Variants in RSRP1 observed in about 807,000 individuals in gnomAD.
RSRP1 encodes the protein arginine and serine rich protein 1.
RSRP1 carries 37 observed loss-of-function variants against 33.0 expected under a neutral mutation model. That is an observed-to-expected ratio of 1.12 (90% CI 0.86 to 1.48). The LOEUF (loss-of-function observed/expected upper bound fraction) is 1.48. RSRP1 is among the 40% of genes most tolerant of loss of function. The pLI is 0.00. For synonymous variants in RSRP1, 167 were observed against 158.7 expected (o/e 1.05, Z -0.40); for missense variants, 402 against 385.3 (o/e 1.04, Z -0.36).
In RSRP1 at chr1:25,260,117, A is replaced by G. The variant is rs540878293; in HGVS notation, c.-66-13088T>C. On this transcript the variant is annotated intron_variant, in intron 1 of 1. Transcript: ENST00000561867. ...ACTTCTTAACAGACAATTGGTCAAAATGAACTCCATTGCTTAAGAAACACA... is the reference window on the plus strand; with the variant it reads ...ACTTCTTAACAGACAATTGGTCAAAGTGAACTCCATTGCTTAAGAAACACA... Among the ~76,000 whole-genome samples the G allele has an allele frequency of 2.0e-5, 3 of 152,358 alleles. No homozygotes were observed. The South Asian group carries it at 6.2e-4, about 32-fold the overall frequency.
chr1:25,244,272 G>A (rs1639158094), intron 3 of RSRP1: 2 of 1,288,678 alleles, frequency 1.6e-6, no homozygotes, highest in Non-Finnish European at 2.0e-6. Context: ...TTTCACAGAT[G>A]CCCCACCGTT....
chr1:25,315,682 G>C lies in RSRP1; in HGVS notation c.-67+22296C>G, dbSNP rs1289357481. On this transcript the variant is annotated intron_variant, in intron 1 of 1. Transcript: ENST00000561867. ...CGGCTAATGTTTTGTATTTTTAGTAGAGAAGGGGTTTCACTGTGTTAGCCA... is the reference window on the plus strand; with the variant it reads ...CGGCTAATGTTTTGTATTTTTAGTACAGAAGGGGTTTCACTGTGTTAGCCA... Among the ~76,000 whole-genome samples, 4 of 127,792 alleles carry C rather than the reference G, an allele frequency of 3.1e-5. 1 individual carries two copies. Among genetic ancestry groups the C allele is most frequent in the African/African-American group, 1.1e-4 (4 of 37,144 alleles). The allele number at this position is 127,792 out of a possible 152,430, so 83.8% of individuals were successfully genotyped here.
At chr1:25,283,196 G>T (rs2124616635) in intron 1 of RSRP1, among the ~76,000 whole-genome samples, 1 of 132,168 alleles carries the variant, frequency 7.6e-6, no homozygotes, top group Non-Finnish European at 1.8e-5. Flanking sequence ...AGATGGTGTG[G>T]TAGTCTAAGG....
chr1:25,314,550 G>A (rs1644334975), intron 1 of RSRP1, among the ~76,000 whole-genome samples: 1 of 132,602 alleles, frequency 7.5e-6, no homozygotes. Context: ...CTGGAATGCA[G>A]TGGCGCTATC....
At chr1:25,307,781 C>A (rs1211281093) in intron 1 of RSRP1, 2 of 1,301,496 alleles carry the variant, frequency 1.5e-6, no homozygotes, top group Admixed American at 2.1e-5. Flanking sequence ...ACAGAGACAA[C>A]CATAGCCCCA....
At chr1:25,244,549 G>C in intron 3 of RSRP1, 1 of 1,288,444 alleles carries the variant, frequency 7.8e-7, no homozygotes, top group Non-Finnish European at 1.0e-6. Context: ...GCTGAGTACA[G>C]AATTTGTGGG....
At chr1:25,289,244 G>C (rs1571621658) in intron 1 of RSRP1, among the ~76,000 whole-genome samples, 1 of 132,662 alleles carries the variant, frequency 7.5e-6, no homozygotes, top group African/African-American at 2.6e-5. Flanking sequence ...GCCCAGGCTG[G>C]AGTGCAGTGG....
At chr1:25,260,784 T>A (rs899590591) in intron 1 of RSRP1, among the ~76,000 whole-genome samples, 3 of 151,738 alleles carry the variant, frequency 2.0e-5, no homozygotes, top group African/African-American at 7.3e-5. Context: ...CTTTTACACT[T>A]CTGGTGTCAT....
chr1:25,275,871 G>A lies in RSRP1; in HGVS notation c.-66-28842C>T, dbSNP rs648291. 1.1e-4 allele frequency among the ~76,000 whole-genome samples: 15 copies of A among 131,794 alleles called. 1 individual carries two copies. The highest frequency in any genetic ancestry group is 1.6e-4 in the Non-Finnish European group (9 of 55,848). The allele number at this position is 131,794 out of a possible 152,430, so 86.5% of individuals were successfully genotyped here. A position where few individuals can be genotyped will look rare whatever the true frequency, so the allele number is the denominator to read the frequency against. ...CTCGAATGTGACTGACAGCTTGTAC[G>A]AGGAGAAGTTTCACTCTGCCTTTTC... On this transcript the variant is annotated intron_variant, in intron 1 of 1. Coordinates refer to the RSRP1 transcript ENST00000561867.
chr1:25,315,220 T>A (rs1047114410), intron 1 of RSRP1, among the ~76,000 whole-genome samples: 2 of 129,226 alleles, frequency 1.5e-5, no homozygotes, highest in Non-Finnish European at 3.6e-5. Context: ...AAATCACTTA[T>A]TATTAGATCA....
chr1:25,242,807 T>C (rs1046128898), intron 4 of RSRP1, 102 bp from the exon 5 acceptor site: 6 of 844,248 alleles, frequency 7.1e-6, no homozygotes, highest in Non-Finnish European at 1.1e-5. Context: ...CTTAGAGATA[T>C]TATCAATTGC....
intron 1 of RSRP1, chr1:25,252,972 G>A (rs1173755061): frequency 6.6e-6 from 1 of 152,230 alleles, no homozygotes; most frequent in African/African-American, 2.4e-5. Context: ...TATTTATCAA[G>A]AACAATCAGT....
chr1:25,329,025 C>G lies in RSRP1; in HGVS notation c.-67+8953G>C, dbSNP rs1466692933. 1.0e-5 allele frequency: 14 copies of G among 1,378,322 alleles called. 4 individuals are homozygous for G. The highest frequency in any genetic ancestry group is 1.4e-5 in the Non-Finnish European group (14 of 978,750). 85.4% of individuals were successfully genotyped at this position (1,378,322 alleles called of 1,614,324 possible). ...TGAGAAACGCTCATGACAGCAAAGT[C>G]TCCAATGTTCGCGCAGGCACTGGAG... On this transcript the variant is annotated intron_variant, in intron 1 of 1. Transcript: ENST00000561867.
intron 2 of RSRP1, 38 bp downstream of exon 2, chr1:25,246,406 T>G: frequency 1.9e-6 from 3 of 1,599,922 alleles, no homozygotes; most frequent in Non-Finnish European, 2.6e-6. Context: ...ACTGCCACCA[T>G]ACATTACCAC....
intron 1 of RSRP1, among the ~76,000 whole-genome samples, chr1:25,298,600 C>T (rs2124666400): frequency 7.6e-6 from 1 of 131,656 alleles, no homozygotes; most frequent in East Asian, 2.0e-4. Context: ...AAAACACAAG[C>T]CCGCTTTTCA....
intron 1 of RSRP1, chr1:25,301,679 T>C (rs759883045): frequency 7.3e-7 from 1 of 1,379,266 alleles, no homozygotes; most frequent in Non-Finnish European, 1.0e-6. Flanking sequence ...CAAGGGAAGA[T>C]CAGCAAGGTG....
At chr1:25,246,115 G>T in intron 2 of RSRP1, 1 of 280,382 alleles carries the variant, frequency 3.6e-6, no homozygotes, top group South Asian at 8.7e-5. Context: ...ACTAAAAGAA[G>T]GCGTGTTTTG....
chr1:25,270,001 G>A lies in RSRP1; in HGVS notation c.-66-22972C>T, dbSNP rs1287796996. 1.1e-4 allele frequency among the ~76,000 whole-genome samples: 14 copies of A among 132,156 alleles called. 2 individuals carry two copies. The highest frequency in any genetic ancestry group is 2.5e-4 in the Non-Finnish European group (14 of 55,756). 86.7% of individuals were successfully genotyped at this position (132,156 alleles called of 152,430 possible). A position where few individuals can be genotyped will look rare whatever the true frequency, so the allele number is the denominator to read the frequency against. ...CATCTTGCTGACATCTGGTGCCCTC[G>A]GGCAGGTAGGTGCAGTTGGCTGCCT... On this transcript the variant is annotated intron_variant, in intron 1 of 1. Transcript: ENST00000561867.
rs1256308689 is a variant in RSRP1, at chr1:25,310,422, C to T, written c.-67+27556G>A. Among the ~76,000 whole-genome samples the T allele has an allele frequency of 1.5e-5, 2 of 132,608 alleles. 1 individual carries two copies. Among genetic ancestry groups the T allele is most frequent in the Non-Finnish European group, 3.6e-5 (2 of 55,780 alleles). 87.0% of individuals were successfully genotyped at this position (132,608 alleles called of 152,430 possible). A position where few individuals can be genotyped will look rare whatever the true frequency, so the allele number is the denominator to read the frequency against. On this transcript the variant is annotated intron_variant, in intron 1 of 1. Coordinates refer to the RSRP1 transcript ENST00000561867. ...TCATGATGCAGCAAGAAGGCCCTCA[C>T]CAGATGGTGGCACCATGCTTTTGGA...
Sources: allele counts gnomAD v4.1 joint callset (sites outside exome capture counted in the v4.1 genomes callset), GRCh38; gene constraint gnomAD v4.1.1; transcripts MANE v1.5; gene names NCBI Gene and HGNC (gene_info 2026-07-23, HGNC 2026-07-21).